CNTNAP2: variants seen among roughly 807,000 people sequenced by gnomAD.
CNTNAP2 encodes the protein contactin-associated protein-like 2.
CNTNAP2 carries 98 observed loss-of-function variants against 155.2 expected under a neutral mutation model. The observed-to-expected ratio is 0.63, with a 90% CI of 0.54 to 0.75. The LOEUF (loss-of-function observed/expected upper bound fraction) is 0.75. Ranked by LOEUF, CNTNAP2 falls within the 30% of genes least tolerant of loss-of-function variation. The probability of loss-of-function intolerance (pLI) is 0.00; values close to 1 mark genes in which losing one functional copy is unlikely to be tolerated. For missense variants in CNTNAP2, 1,727 were observed against 1,688.1 expected (o/e 1.02, Z -0.40); for synonymous variants, 651 against 631.2 (o/e 1.03, Z -0.47).
chr7:146,641,286 A>G (rs899194207), intron 1 of CNTNAP2, among the ~76,000 whole-genome samples: 2 of 152,344 alleles, frequency 1.3e-5, no homozygotes, highest in African/African-American at 4.8e-5. Flanking sequence ...AGATCGCACC[A>G]CTGCACTCCA....
At chr7:148,235,654 A>G (rs370274819) in intron 20 of CNTNAP2, among the ~76,000 whole-genome samples, 10 of 150,770 alleles carry the variant, frequency 6.6e-5, no homozygotes, top group African/African-American at 2.4e-4. Flanking sequence ...TATGTGCCGG[A>G]TAATGTGCTC....
At chr7:147,037,454 C>T (rs1301209322) in intron 3 of CNTNAP2, among the ~76,000 whole-genome samples, 2 of 144,668 alleles carry the variant, frequency 1.4e-5, no homozygotes, top group African/African-American at 2.5e-5. Flanking sequence ...TTTTTTTTTC[C>T]CTTTTTTTTT....
At chr7:146,849,170 T>G (rs1317832430) in intron 3 of CNTNAP2, among the ~76,000 whole-genome samples, 3 of 152,200 alleles carry the variant, frequency 2.0e-5, no homozygotes, top group African/African-American at 4.8e-5. Context: ...TATCTAATTT[T>G]GGAAGAACCT....
rs773031497 is a variant in CNTNAP2 at position 147,043,871 on chromosome 7, T to G, written c.403-36T>G. ...GAGGACATGATTGTTTCTAAAGTATTTTTCCCAATTTTTAAAATACTATTT... is the reference window on the plus strand; with the variant it reads ...GAGGACATGATTGTTTCTAAAGTATGTTTCCCAATTTTTAAAATACTATTT... On this transcript the variant is annotated intron_variant, in intron 3 of 23. Coordinates refer to ENST00000361727, the MANE Select transcript of CNTNAP2 (RefSeq NM_014141.6). 112 of 1,613,000 alleles carry G rather than the reference T, an allele frequency of 6.9e-5. 1 individual carries two copies. In the Admixed American group the frequency reaches 1.8e-3, roughly 26 times the overall value.
At chr7:147,249,979 A>G (rs896097989) in intron 8 of CNTNAP2, among the ~76,000 whole-genome samples, 2 of 152,184 alleles carry the variant, frequency 1.3e-5, no homozygotes, top group Non-Finnish European at 2.9e-5. Flanking sequence ...TCTCACAGAG[A>G]TGTAACTGAC....
At chr7:148,085,613 C>G (rs900611211) in intron 15 of CNTNAP2, among the ~76,000 whole-genome samples, 1 of 152,114 alleles carries the variant, frequency 6.6e-6, no homozygotes, top group Non-Finnish European at 1.5e-5. Flanking sequence ...AATTTTCATT[C>G]ATTTTATAAT....
At chr7:148,198,360 C>A (rs564247358) in intron 18 of CNTNAP2, among the ~76,000 whole-genome samples, 2 of 152,342 alleles carry the variant, frequency 1.3e-5, no homozygotes, top group Non-Finnish European at 2.9e-5. Context: ...GCGATTGTGA[C>A]CATGTGACCT....
At chr7:148,340,704 T>C (rs1338886951) in intron 21 of CNTNAP2, among the ~76,000 whole-genome samples, 2 of 152,234 alleles carry the variant, frequency 1.3e-5, no homozygotes, top group East Asian at 1.9e-4. Context: ...TCATTAACAA[T>C]TGAAAGGAAG....
intron 4 of CNTNAP2, among the ~76,000 whole-genome samples, chr7:147,058,677 G>A (rs575291679): frequency 6.6e-6 from 1 of 152,266 alleles, no homozygotes; most frequent in African/African-American, 2.4e-5. Flanking sequence ...CGTGATCTCG[G>A]CTCACTGCAA....
chr7:146,268,021 G>C (rs1386458402), intron 1 of CNTNAP2, among the ~76,000 whole-genome samples: 2 of 152,054 alleles, frequency 1.3e-5, no homozygotes, highest in South Asian at 2.1e-4. Flanking sequence ...AATGTGTAGT[G>C]GTCATACATG....
chr7:147,068,190 T>A (rs186893243), intron 4 of CNTNAP2, among the ~76,000 whole-genome samples: 1 of 152,312 alleles, frequency 6.6e-6, no homozygotes, highest in East Asian at 1.9e-4. Flanking sequence ...ATGGTCACTC[T>A]TCTGACCTAA....
rs571098019 is a variant in CNTNAP2, at chr7:146,867,690, T to A, written c.402+27786T>A. Among the ~76,000 whole-genome samples, 5 of 152,210 alleles carry A rather than the reference T, an allele frequency of 3.3e-5. No individual in the cohort carries two copies. In the East Asian group the frequency reaches 9.7e-4, roughly 29 times the overall value. On this transcript the variant is annotated intron_variant, in intron 3 of 23. Transcript: ENST00000361727. ...AACCTCATCAGCATCTGTTATTTTATTTACTTTTTCATTGTAGCCATTCTG... is the reference window on the plus strand; with the variant it reads ...AACCTCATCAGCATCTGTTATTTTAATTACTTTTTCATTGTAGCCATTCTG...
chr7:147,775,387 T>A lies in CNTNAP2; in HGVS notation c.2099-128178T>A, dbSNP rs1490198092. On this transcript the variant is annotated intron_variant, in intron 13 of 23. Coordinates refer to ENST00000361727, the MANE Select transcript of CNTNAP2 (RefSeq NM_014141.6). ...TAAATATATATATATTTATATATAT[T>A]TATAAATATATATATTTATATATAT... Among the ~76,000 whole-genome samples the A allele has an allele frequency of 4.2e-4, 42 of 99,546 alleles. 1 individual carries two copies. The highest frequency in any genetic ancestry group is 6.4e-4 in the Non-Finnish European group (35 of 54,556). 65.3% of individuals were successfully genotyped at this position (99,546 alleles called of 152,430 possible). A position where few individuals can be genotyped will look rare whatever the true frequency, so the allele number is the denominator to read the frequency against.
chr7:146,643,892 G>C (rs1799760398), intron 1 of CNTNAP2, among the ~76,000 whole-genome samples: 1 of 151,644 alleles, frequency 6.6e-6, no homozygotes, highest in Admixed American at 6.6e-5. Flanking sequence ...TTGTAAGTTG[G>C]ATTCCTAGGT....
chr7:146,791,258 A>G (rs1337188949), intron 2 of CNTNAP2, among the ~76,000 whole-genome samples: 2 of 152,278 alleles, frequency 1.3e-5, no homozygotes, highest in East Asian at 3.9e-4. Context: ...TGTCCCTGCA[A>G]AGGACATGAA....
chr7:148,326,278 T>C (rs1356761810), intron 21 of CNTNAP2, among the ~76,000 whole-genome samples: 1 of 152,200 alleles, frequency 6.6e-6, no homozygotes, highest in East Asian at 1.9e-4. Flanking sequence ...TGGGGATCTT[T>C]TCCATCATCC....
At chr7:146,318,231 A>G (rs1800942981) in intron 1 of CNTNAP2, among the ~76,000 whole-genome samples, 1 of 152,018 alleles carries the variant, frequency 6.6e-6, no homozygotes, top group African/African-American at 2.4e-5. Flanking sequence ...ATATAGCAAA[A>G]TGGATCAGAG....
intron 13 of CNTNAP2, among the ~76,000 whole-genome samples, chr7:147,646,125 TTTG>T (rs370877692): frequency 5.3e-5 from 8 of 152,048 alleles, no homozygotes; most frequent in South Asian, 4.2e-4. Flanking sequence ...TGAGAGAAAG[TTTG>T]TTGTTGTTGT....
At chr7:146,972,879 C>A (rs1797830809) in intron 3 of CNTNAP2, among the ~76,000 whole-genome samples, 1 of 152,130 alleles carries the variant, frequency 6.6e-6, no homozygotes, top group Non-Finnish European at 1.5e-5. Flanking sequence ...AACTAACACA[C>A]CTCAGTCAGA....
Sources: gnomAD v4.1 joint callset for allele counts (sites outside exome capture counted in the v4.1 genomes callset) on GRCh38, gnomAD v4.1.1 for gene constraint, MANE v1.5 for transcripts, NCBI Gene and HGNC (gene_info 2026-07-23, HGNC 2026-07-21) for gene names.